ITFG2: variants seen among roughly 807,000 people sequenced by gnomAD.
The protein encoded by ITFG2 is KICSTOR complex protein ITFG2.
A neutral mutation model predicts 54.4 loss-of-function variants in ITFG2; 36 were observed. The ratio of observed to expected loss-of-function variants is 0.66; its 90% CI spans 0.51 to 0.87. The LOEUF (loss-of-function observed/expected upper bound fraction) is 0.87, where lower values mean the gene tolerates loss of function less well. Ranked by LOEUF, ITFG2 falls within the 40% of genes least tolerant of loss-of-function variation. The pLI, the probability that ITFG2 is intolerant of heterozygous loss-of-function variation, is 0.00. For missense variants in ITFG2, 524 were observed against 576.7 expected (o/e 0.91, Z 0.94); for synonymous variants, 211 against 225.4 (o/e 0.94, Z 0.57).
chr12:2,831,124 T>A (rs1186158270), downstream of ITFG2, among the ~76,000 whole-genome samples: 1 of 152,034 alleles, frequency 6.6e-6, no homozygotes, highest in African/African-American at 2.4e-5. Context: ...TTAAACTGAC[T>A]TAGTAGCCGA....
chr12:2,818,667 GGAAAA>G (rs2097930313), intron 4 of ITFG2: 1 of 241,954 alleles, frequency 4.1e-6, no homozygotes, highest in South Asian at 5.5e-5. Flanking sequence ...ATTTAAAAAA[GGAAAA>G]GAAAAGAAAA....
At chr12:2,814,527 A>G (rs1206867322) in intron 1 of ITFG2, among the ~76,000 whole-genome samples, 1 of 152,124 alleles carries the variant, frequency 6.6e-6, no homozygotes, top group Non-Finnish European at 1.5e-5. Context: ...TATTCTCAAC[A>G]CTTAGAACAA....
At chr12:2,849,516 G>T in intron 2 of ITFG2, 1 of 1,536,132 alleles carries the variant, frequency 6.5e-7, no homozygotes, top group Non-Finnish European at 8.7e-7. Flanking sequence ...CAGCGGATAT[G>T]TGCCGGTACC....
intron 2 of ITFG2, among the ~76,000 whole-genome samples, chr12:2,848,734 A>G (rs946410622): frequency 1.3e-5 from 2 of 152,068 alleles, no homozygotes; most frequent in African/African-American, 4.8e-5. Context: ...AGGGGGTGGC[A>G]TTTTGGTTAT....
chr12:2,850,886 G>A (rs992871369), intron 2 of ITFG2, among the ~76,000 whole-genome samples: 1 of 151,566 alleles, frequency 6.6e-6, no homozygotes, highest in Non-Finnish European at 1.5e-5. Context: ...TGGCCAGGCT[G>A]GTCTCGAACT....
At chr12:2,847,651 A>G (rs1603486431) in intron 2 of ITFG2, among the ~76,000 whole-genome samples, 2 of 145,578 alleles carry the variant, frequency 1.4e-5, no homozygotes, top group African/African-American at 5.2e-5. Flanking sequence ...TGGGTGACAG[A>G]GTAAGACTGT....
At chr12:2,820,931 A>C in intron 6 of ITFG2, 59 bp downstream of exon 6, 1 of 1,568,828 alleles carries the variant, frequency 6.4e-7, no homozygotes, top group Admixed American at 1.7e-5. Flanking sequence ...ATGGGCTCCC[A>C]GATGCCACAT....
intron 9 of ITFG2, 125 bp downstream of exon 9, chr12:2,821,917 C>CTTT: frequency 4.5e-6 from 2 of 446,082 alleles, no homozygotes; most frequent in South Asian, 3.3e-5. Context: ...GTCTCTGTCT[C>CTTT]TTTTTTTTTT....
chr12:2,828,043 C>T (rs1196087647), downstream of ITFG2: 1 of 1,613,196 alleles, frequency 6.2e-7, no homozygotes, highest in Non-Finnish European at 8.5e-7. Flanking sequence ...ACCCTTTTCT[C>T]TAACCTGTGG....
intron 10 of ITFG2, among the ~76,000 whole-genome samples, chr12:2,823,540 T>C (rs900187909): frequency 2.0e-4 from 31 of 152,196 alleles, no homozygotes; most frequent in African/African-American, 7.5e-4. Context: ...TGGATGCTAT[T>C]CTGCCCGGGT....
chr12:2,858,707 A>G, intron 3 of ITFG2: 1 of 1,614,200 alleles, frequency 6.2e-7, no homozygotes, highest in Non-Finnish European at 8.5e-7. Flanking sequence ...CGTCCAGGCC[A>G]GGAAAGCTGA....
intron 7 of ITFG2, 51 bp from the exon 8 acceptor site, chr12:2,821,492 A>G (rs369445441): frequency 3.3e-4 from 520 of 1,598,614 alleles, no homozygotes; most frequent in Non-Finnish European, 4.3e-4. Context: ...CTCTCCCCGT[A>G]GGCTCTGACC....
Position 2,824,745 on chromosome 12 carries a change from A to T in ITFG2, c.*552A>T, listed in dbSNP as rs1174285774. ...ACCCTGAGATGATTTTCTTCCATTT[A>T]CCAAAGCAGCCGGGTCAGTGCTTTC... On this transcript the variant is annotated 3_prime_UTR_variant, in exon 12 of 12. Coordinates refer to ENST00000228799, the MANE Select transcript of ITFG2 (RefSeq NM_018463.4). 6.4e-6 allele frequency: 1 copy of T among 156,260 alleles called. No individual in the cohort carries two copies. The highest frequency in any genetic ancestry group is 2.4e-5 in the African/African-American group (1 of 41,434). The allele number at this position is 156,260 out of a possible 1,614,324, so 9.7% of individuals were successfully genotyped here. A position where few individuals can be genotyped will look rare whatever the true frequency, so the allele number is the denominator to read the frequency against.
chr12:2,816,694 A>G lies in ITFG2; in HGVS notation c.97-529A>G, dbSNP rs116977498. Among the ~76,000 whole-genome samples the G allele has an allele frequency of 4.3e-4, 59 of 136,180 alleles. No homozygotes were observed. The East Asian group carries it at 0.012, about 27-fold the overall frequency. The allele number at this position is 136,180 out of a possible 152,430, so 89.3% of individuals were successfully genotyped here. A position where few individuals can be genotyped will look rare whatever the true frequency, so the allele number is the denominator to read the frequency against. On this transcript the variant is annotated intron_variant, in intron 1 of 11. Transcript: ENST00000228799. The stretch of plus-strand genomic sequence containing the variant: ...CACTCTGTCACCCAGGCTAGAGTAC[A>G]GTGGTGCAGTCTTGCTCACTCACTG...
chr12:2,850,653 T>TTTTTGTTTTG lies in ITFG2; in HGVS notation n.301-7331_301-7322dup, dbSNP rs150335236. ...CTCACTGACTGATCCAGAGTCTTTG[T>TTTTTGTTTTG]TTTTGTTTTGTTTTGTTTTGTTTTG... On this transcript the variant is annotated intron_variant and non_coding_transcript_variant, in intron 2 of 3. Transcript: ENST00000537710. 9.9e-3 allele frequency among the ~76,000 whole-genome samples: 966 copies of TTTTTGTTTTG among 97,700 alleles called. 15 individuals carry two copies. The highest frequency in any genetic ancestry group is 0.053 in the African/African-American group (887 of 16,722). 64.1% of individuals were successfully genotyped at this position (97,700 alleles called of 152,430 possible). A position where few individuals can be genotyped will look rare whatever the true frequency, so the allele number is the denominator to read the frequency against.
downstream of ITFG2, chr12:2,828,058 G>A: frequency 6.2e-7 from 1 of 1,609,064 alleles, no homozygotes; most frequent in African/African-American, 1.3e-5. Context: ...CTGTGGTTGG[G>A]AAGCAAGGGT....
chr12:2,817,953 A>G lies in ITFG2; in HGVS notation c.234+3A>G. On this transcript the variant is annotated splice_donor_region_variant and intron_variant, in intron 3 of 11. Coordinates refer to ENST00000228799, the MANE Select transcript of ITFG2 (RefSeq NM_018463.4). ...GAGACGTGTGTAATAAAGGAAAGGT[A>G]AGAACTATAGGGGACCTTCCTTGGT... 1 of 1,613,724 alleles carries G rather than the reference A, an allele frequency of 6.2e-7. No homozygotes were observed. Among genetic ancestry groups the G allele is most frequent in the Non-Finnish European group, 8.5e-7 (1 of 1,179,846 alleles).
Position 2,821,683 on chromosome 12 carries a change from C to G in ITFG2, c.848-9C>G. On this transcript the variant is annotated splice_polypyrimidine_tract_variant and intron_variant, in intron 8 of 11. Coordinates refer to ENST00000228799, the MANE Select transcript of ITFG2 (RefSeq NM_018463.4). ...CCCACCCACACTCAGCCTGCCTCTC[C>G]CCCGGCAGGGACACTGAAGCTCATG... 6.2e-7 allele frequency: 1 copy of G among 1,613,652 alleles called. No individual in the cohort carries two copies. Among genetic ancestry groups the G allele is most frequent in the Non-Finnish European group, 8.5e-7 (1 of 1,179,574 alleles).
At chr12:2,857,224 C>G (rs1012428652) in intron 2 of ITFG2, 1 of 594,030 alleles carries the variant, frequency 1.7e-6, no homozygotes, top group South Asian at 2.0e-5. Context: ...ATAGCACTTT[C>G]TTCAAGTTCT....
Sources: allele counts gnomAD v4.1 joint callset (sites outside exome capture counted in the v4.1 genomes callset), GRCh38; gene constraint gnomAD v4.1.1; transcripts MANE v1.5; gene names NCBI Gene and HGNC (gene_info 2026-07-23, HGNC 2026-07-21).